Variants in RPRD2 observed in about 807,000 individuals in gnomAD.
RPRD2 encodes the protein regulation of nuclear pre-mRNA domain-containing protein 2.
Under a neutral mutation model 104.4 loss-of-function variants are expected in RPRD2, and 12 were observed. The ratio of observed to expected loss-of-function variants is 0.11; its 90% CI spans 0.07 to 0.19. The LOEUF (loss-of-function observed/expected upper bound fraction) is 0.19, where lower values mean the gene tolerates loss of function less well. Among genes scored for constraint, RPRD2 ranks in the 10% least tolerant of loss-of-function variants. The pLI, the probability that RPRD2 is intolerant of heterozygous loss-of-function variation, is 1.00. For synonymous variants in RPRD2, 714 were observed against 684.9 expected (o/e 1.04, Z -0.66); for missense variants, 1,543 against 1,790.1 (o/e 0.86, Z 2.49).
chr1:150,442,070 C>T (rs1666442281), intron 4 of RPRD2, 112 bp downstream of exon 4: 3 of 769,878 alleles, frequency 3.9e-6, no homozygotes, highest in South Asian at 3.6e-5. Flanking sequence ...GCCTGTTTTC[C>T]AGGTCTGGGA....
intron 1 of RPRD2, among the ~76,000 whole-genome samples, chr1:150,367,764 C>T (rs1446547792): frequency 6.6e-6 from 1 of 151,418 alleles, no homozygotes; most frequent in Non-Finnish European, 1.5e-5. Flanking sequence ...GCTCTGTCGT[C>T]CAGACTGGAG....
chr1:150,406,002 T>C (rs1488914901), intron 1 of RPRD2, among the ~76,000 whole-genome samples: 1 of 152,142 alleles, frequency 6.6e-6, no homozygotes, highest in African/African-American at 2.4e-5. Flanking sequence ...TTCCTTTAAG[T>C]GAAAAGGTTA....
intron 1 of RPRD2, among the ~76,000 whole-genome samples, chr1:150,387,145 T>A (rs1661623879): frequency 6.6e-6 from 1 of 152,190 alleles, no homozygotes; most frequent in Non-Finnish European, 1.5e-5. Context: ...TTCAAATTGT[T>A]GTAAATCTCC....
At chr1:150,456,508 C>G (rs1667533842) in intron 7 of RPRD2, among the ~76,000 whole-genome samples, 1 of 151,966 alleles carries the variant, frequency 6.6e-6, no homozygotes, top group African/African-American at 2.4e-5. Flanking sequence ...TGGTGTATGC[C>G]TGCAATCCTA....
intron 1 of RPRD2, among the ~76,000 whole-genome samples, chr1:150,415,019 A>G (rs1477700340): frequency 1.3e-5 from 2 of 152,170 alleles, no homozygotes; most frequent in Admixed American, 6.5e-5. Context: ...GGAATACAAT[A>G]TAAATATATA....
At chr1:150,418,228 A>G (rs1217228401) in intron 2 of RPRD2, among the ~76,000 whole-genome samples, 1 of 151,962 alleles carries the variant, frequency 6.6e-6, no homozygotes, top group African/African-American at 2.4e-5. Flanking sequence ...CAGCCTCCCA[A>G]AGTGCTGGGA....
intron 1 of RPRD2, among the ~76,000 whole-genome samples, chr1:150,404,338 C>T (rs1469711378): frequency 1.3e-5 from 2 of 152,044 alleles, no homozygotes; most frequent in African/African-American, 2.4e-5. Flanking sequence ...CCTCTGCCTC[C>T]CAGGCTCAAG....
At chr1:150,459,703 G>A (rs1267765687) in intron 8 of RPRD2, among the ~76,000 whole-genome samples, 3 of 150,850 alleles carry the variant, frequency 2.0e-5, no homozygotes, top group South Asian at 4.2e-4. Flanking sequence ...AGCGATTCTC[G>A]TGTCTCAGCC....
chr1:150,470,837 GGTTTACAGCTAC>G lies in RPRD2; in HGVS notation c.1890_1901del (p.Phe631_Thr634del). ...TTTAAACTACCTTCCAACTCTTTGGGGTTTACAGCTACCCACAATACTAGCCCTGCTGCCCCA... is the reference window on the plus strand; with the variant it reads ...TTTAAACTACCTTCCAACTCTTTGGGCCACAATACTAGCCCTGCTGCCCCA... On this transcript the variant is annotated inframe_deletion, in exon 11 of 11. Coordinates refer to ENST00000369068, the MANE Select transcript of RPRD2 (RefSeq NM_015203.5). The G allele has an allele frequency of 1.9e-6, 3 of 1,613,900 alleles. No individual in the cohort carries two copies. The highest frequency in any genetic ancestry group is 2.5e-6 in the Non-Finnish European group (3 of 1,179,884).
intron 7 of RPRD2, among the ~76,000 whole-genome samples, chr1:150,456,557 G>A (rs1019825521): frequency 7.9e-5 from 12 of 151,288 alleles, no homozygotes; most frequent in East Asian, 2.0e-4. Context: ...CACTTGAGCC[G>A]AGGAGTTCAA....
chr1:150,455,761 T>C (rs587771932), intron 7 of RPRD2, among the ~76,000 whole-genome samples: 2 of 152,074 alleles, frequency 1.3e-5, no homozygotes, highest in South Asian at 4.1e-4. Context: ...GGATATAGGG[T>C]ATATGGGAAC....
chr1:150,364,903 G>T lies in RPRD2; in HGVS notation c.189G>T (p.Met63Ile). ...ACAGTACTATCGTCTATCATTGGAT[G>T]AAGTGGCTCCGGAGATGTGAGTGTT... Reference protein sequence around the residue: ...KHHSTIVYHWMKWLRRSAYPH... With the variant: ...KHHSTIVYHWIKWLRRSAYPH... Residue 63 changes from methionine (M) to isoleucine (I), a missense_variant, in exon 1 of 11, where the codon ATG becomes ATT. By Grantham distance (10) the Met-to-Ile change is conservative (BLOSUM62 1). Around this residue, in one of 4 missense-constraint regions of RPRD2, gnomAD observed 88 missense variants for 96.6 expected, o/e 0.91. Coordinates refer to ENST00000369068, the MANE Select transcript of RPRD2 (RefSeq NM_015203.5). 1.2e-6 allele frequency: 2 copies of T among 1,614,032 alleles called. No individual in the cohort carries two copies. The highest frequency in any genetic ancestry group is 8.5e-7 in the Non-Finnish European group (1 of 1,179,880).
At chr1:150,419,352 T>C (rs143976446) in intron 2 of RPRD2, among the ~76,000 whole-genome samples, 2,586 of 152,268 alleles carry the variant, frequency 0.017, 77 homozygotes, top group African/African-American at 0.057. Context: ...CAGTCAGAAC[T>C]GAATGATCCT....
chr1:150,464,417 C>G (rs1016955418), intron 9 of RPRD2, 110 bp from the exon 10 acceptor site: 2 of 713,724 alleles, frequency 2.8e-6, no homozygotes, highest in Non-Finnish European at 4.6e-6. Flanking sequence ...TGTGGATCAA[C>G]CACAGAAGAA....
At chr1:150,452,158 A>G (rs75841752) in intron 7 of RPRD2, among the ~76,000 whole-genome samples, 166 of 97,946 alleles carry the variant, frequency 1.7e-3, no homozygotes, top group African/African-American at 2.9e-3. Context: ...AAAAAAAAAA[A>G]AGAGAGAGAG....
chr1:150,381,147 G>T (rs939273478), intron 1 of RPRD2, among the ~76,000 whole-genome samples: 1 of 152,028 alleles, frequency 6.6e-6, no homozygotes, highest in Non-Finnish European at 1.5e-5. Flanking sequence ...AATTGTCAGG[G>T]TGTGCTGGCT....
intron 1 of RPRD2, among the ~76,000 whole-genome samples, chr1:150,371,764 A>G (rs1470039910): frequency 6.6e-6 from 1 of 152,136 alleles, no homozygotes; most frequent in Non-Finnish European, 1.5e-5. Flanking sequence ...GATCTACAGT[A>G]TACACTCTTA....
intron 1 of RPRD2, among the ~76,000 whole-genome samples, chr1:150,400,557 A>T (rs1219184960): frequency 6.6e-6 from 1 of 152,112 alleles, no homozygotes; most frequent in Non-Finnish European, 1.5e-5. Context: ...TGAGAATCTA[A>T]TGATGCCACT....
At position 150,471,768 on chromosome 1, in the gene RPRD2, T is replaced by C. The variant is rs1668602437; in HGVS notation, c.2820T>C (p.Pro940=). The C allele has an allele frequency of 6.2e-7, 1 of 1,613,956 alleles. No individual in the cohort carries two copies. Among genetic ancestry groups the C allele is most frequent in the African/African-American group, 1.3e-5 (1 of 75,026 alleles). The stretch of plus-strand genomic sequence containing the variant: ...GTAAGAATGATTCATTTTTCACCCC[T>C]GACTCCAACCACAATAGCTTGTCTC... ...SPSKNDSFFT[P]DSNHNSLSQS... Residue 940 remains proline (P), a synonymous_variant, in exon 11 of 11, where the codon CCT becomes CCC. Coordinates refer to ENST00000369068, the MANE Select transcript of RPRD2 (RefSeq NM_015203.5). This position sits in a 1 kb window ranked among gnomAD's most constrained non-coding sequence, Gnocchi z 5.3.
Sources: allele counts gnomAD v4.1 joint callset (sites outside exome capture counted in the v4.1 genomes callset), GRCh38; gene constraint gnomAD v4.1.1; regional missense constraint gnomAD v4.1.1; non-coding constraint Gnocchi (gnomAD v3.1); transcripts MANE v1.5; gene names NCBI Gene and HGNC (gene_info 2026-07-23, HGNC 2026-07-21).